VAV3: variants seen among roughly 807,000 people sequenced by gnomAD.
VAV3 encodes the protein guanine nucleotide exchange factor VAV3.
In VAV3, 94 loss-of-function variants were observed where a neutral mutation model predicts 131.2. That is an observed-to-expected ratio of 0.72 (90% confidence interval 0.61 to 0.85). VAV3 has a LOEUF of 0.85. VAV3 is among the 40% of genes least tolerant of loss of function. VAV3 has a pLI of 0.00. For synonymous variants in VAV3, 349 were observed against 342.0 expected (o/e 1.02, Z -0.22); for missense variants, 939 against 1,002.7 (o/e 0.94, Z 0.86).
At chr1:107,791,815 C>T (rs569294462) in intron 2 of VAV3, among the ~76,000 whole-genome samples, 38 of 152,248 alleles carry the variant, frequency 2.5e-4, no homozygotes, top group Middle Eastern at 3.4e-3. Context: ...TTATGATTAT[C>T]AGGCACTAGG....
In VAV3 at chr1:107,779,511, A is replaced by C. The variant is rs1482022967; in HGVS notation, c.322-19T>G. Reference sequence around the variant, plus strand: ...CTATAACCTGAGAAAAGAGGAAAATACTAATTAGATATGTAGTTCAGAAAA... The same window carrying C: ...CTATAACCTGAGAAAAGAGGAAAATCCTAATTAGATATGTAGTTCAGAAAA... On this transcript the variant is annotated intron_variant, in intron 2 of 26. Transcript: ENST00000370056. The C allele has an allele frequency of 1.9e-6, 3 of 1,565,264 alleles. No homozygotes were observed. The South Asian group carries it at 3.7e-5, about 19-fold the overall frequency.
intron 4 of VAV3, among the ~76,000 whole-genome samples, chr1:107,775,872 G>A (rs967602404): frequency 6.6e-6 from 1 of 152,132 alleles, no homozygotes; most frequent in African/African-American, 2.4e-5. Context: ...CAGTGGGTGT[G>A]CTCACCCCCT....
intron 2 of VAV3, among the ~76,000 whole-genome samples, chr1:107,814,408 G>A (rs1274581867): frequency 6.6e-6 from 1 of 152,100 alleles, no homozygotes; most frequent in East Asian, 1.9e-4. Context: ...TAGTGATGTT[G>A]AGTATTTTTT....
chr1:107,672,608 T>C (rs776764209), intron 19 of VAV3, among the ~76,000 whole-genome samples: 13 of 151,558 alleles, frequency 8.6e-5, no homozygotes, highest in Non-Finnish European at 1.5e-4. Flanking sequence ...AGAAAAAAAA[T>C]ATAAAAATAT....
In VAV3 at chr1:107,770,646, G is replaced by A. The variant is rs762676911; in HGVS notation, c.638C>T (p.Ser213Leu). ...TEEKYTETLESIEKYFMAPLK... is the reference protein window; with the variant it reads ...TEEKYTETLELIEKYFMAPLK... ...TACCTGATGACTTACCTTTTCTATT[G>A]ACTCCAAAGTTTCTGTATATTTTTC... The change falls in exon 6 of 27, where the codon TCA becomes TTA. Residue 213 changes from serine to leucine, a missense_variant. Transcript: ENST00000370056. 1.2e-6 allele frequency: 2 copies of A among 1,605,630 alleles called. No homozygotes were observed. The highest frequency in any genetic ancestry group is 1.1e-5 in the South Asian group (1 of 90,310).
chr1:107,573,913 T>A, intron 26 of VAV3, 134 bp downstream of exon 26: 1 of 1,161,314 alleles, frequency 8.6e-7, no homozygotes, highest in Non-Finnish European at 1.2e-6. Context: ...AGCACCAGTT[T>A]CCAGAGGGCA....
chr1:107,752,091 C>T (rs35619484), intron 12 of VAV3, among the ~76,000 whole-genome samples: 1,555 of 152,258 alleles, frequency 0.01, 16 homozygotes, highest in Non-Finnish European at 0.014. Context: ...GTTTCCAAAA[C>T]TTATTGCAAA....
At chr1:107,706,130 A>T (rs112878643) in intron 15 of VAV3, among the ~76,000 whole-genome samples, 1 of 152,184 alleles carries the variant, frequency 6.6e-6, no homozygotes, top group African/African-American at 2.4e-5. Context: ...GGGTACACCT[A>T]GAAAGCTAAA....
chr1:107,618,975 G>A (rs12746044), intron 20 of VAV3, among the ~76,000 whole-genome samples: 18,595 of 152,096 alleles, frequency 0.12, 1,282 homozygotes, highest in East Asian at 0.2. Flanking sequence ...TCTCACTTTC[G>A]GAGTTGAGAA....
intron 2 of VAV3, among the ~76,000 whole-genome samples, chr1:107,842,106 A>C (rs1668739711): frequency 1.3e-5 from 2 of 152,218 alleles, no homozygotes; most frequent in Non-Finnish European, 2.9e-5. Context: ...AAGAATATTA[A>C]AGAGAATACT....
rs72979658 is a variant in VAV3, at chr1:107,757,625, A to G, written c.1018-296T>C. On this transcript the variant is annotated intron_variant, in intron 10 of 26. Coordinates refer to ENST00000370056, the MANE Select transcript of VAV3 (RefSeq NM_006113.5). ...TGTTATGAAAGATTCCATAATGATT[A>G]AAATCACACTTTTTACTCATTTATT... Among the ~76,000 whole-genome samples, 588 of 152,312 alleles carry G rather than the reference A, an allele frequency of 3.9e-3. 2 individuals are homozygous for G. Among genetic ancestry groups the G allele is most frequent in the African/African-American group, 0.014 (563 of 41,572 alleles).
chr1:107,888,452 A>G lies in VAV3; in HGVS notation c.205-13435T>C, dbSNP rs140208130. ...GCAGGCTTCTTCTCTACCCTGAGAC[A>G]CTTTTTGTTTGTTTGTGTTGTTGGA... On this transcript the variant is annotated intron_variant, in intron 1 of 26. Coordinates refer to ENST00000370056, the MANE Select transcript of VAV3 (RefSeq NM_006113.5). 1.8e-3 allele frequency among the ~76,000 whole-genome samples: 279 copies of G among 152,150 alleles called. 2 individuals carry two copies. The highest frequency in any genetic ancestry group is 5.4e-3 in the African/African-American group (226 of 41,522).
chr1:107,751,326 T>C (rs894349866), intron 12 of VAV3, 124 bp from the exon 13 acceptor site: 18 of 761,156 alleles, frequency 2.4e-5, no homozygotes, highest in Non-Finnish European at 3.3e-5. Context: ...TTTTTTATAC[T>C]TTTAAAGCAT....
At chr1:107,614,178 G>A (rs1652963661) in intron 21 of VAV3, among the ~76,000 whole-genome samples, 1 of 152,018 alleles carries the variant, frequency 6.6e-6, no homozygotes, top group Non-Finnish European at 1.5e-5. Context: ...TTGTGCTGCA[G>A]TTCCAGGCTT....
At chr1:107,666,929 G>A (rs1657451184) in intron 19 of VAV3, among the ~76,000 whole-genome samples, 1 of 152,142 alleles carries the variant, frequency 6.6e-6, no homozygotes, top group Non-Finnish European at 1.5e-5. Flanking sequence ...TTCAAACCTA[G>A]GCAGCCTAGC....
chr1:107,705,075 AAAAATAACTTTCT>A lies in VAV3; in HGVS notation c.1503-27_1503-15del. Reference sequence around the variant, plus strand: ...CTTATGTTAGACCTAAAAAAAGGAAAAAAATAACTTTCTATAGAAAGTTTCACAACAAAGCTGC... The same window carrying A: ...CTTATGTTAGACCTAAAAAAAGGAAAATAGAAAGTTTCACAACAAAGCTGC... On this transcript the variant is annotated splice_polypyrimidine_tract_variant and intron_variant, in intron 15 of 26. Transcript: ENST00000370056. 1 of 1,588,370 alleles carries A rather than the reference AAAAATAACTTTCT, an allele frequency of 6.3e-7. No individual in the cohort carries two copies. The highest frequency in any genetic ancestry group is 8.6e-7 in the Non-Finnish European group (1 of 1,159,966).
At chr1:107,891,978 T>C (rs1014136630) in intron 1 of VAV3, among the ~76,000 whole-genome samples, 5 of 152,142 alleles carry the variant, frequency 3.3e-5, no homozygotes, top group African/African-American at 1.2e-4. Flanking sequence ...TGATTCTATC[T>C]TCCTTACAGG....
chr1:107,895,625 T>A (rs72983428), intron 1 of VAV3, among the ~76,000 whole-genome samples: 4,920 of 152,274 alleles, frequency 0.032, 201 homozygotes, highest in African/African-American at 0.092. Flanking sequence ...CACCTCACTA[T>A]GCCTTTAGAC....
chr1:107,787,236 A>G (rs1231427950), intron 2 of VAV3, among the ~76,000 whole-genome samples: 8 of 152,142 alleles, frequency 5.3e-5, no homozygotes, highest in African/African-American at 1.2e-4. Flanking sequence ...TACCCTTTCT[A>G]TAAGTTTCTT....
Sources: gnomAD v4.1 joint callset for allele counts (sites outside exome capture counted in the v4.1 genomes callset) on GRCh38, gnomAD v4.1.1 for gene constraint, MANE v1.5 for transcripts, NCBI Gene and HGNC (gene_info 2026-07-23, HGNC 2026-07-21) for gene names.